The following ATXN1 variants were observed in gnomAD, a reference collection of about 807,000 sequenced individuals.
ATXN1 encodes the protein ataxin 1, also known as ataxin-1.
In ATXN1, 8 loss-of-function variants were observed where a neutral mutation model predicts 56.4. The ratio of observed to expected loss-of-function variants is 0.14; its 90% CI spans 0.08 to 0.26. The LOEUF is 0.26. Ranked by LOEUF, ATXN1 falls within the 10% of genes least tolerant of loss-of-function variation. ATXN1 has a pLI of 1.00. For synonymous variants in ATXN1, 514 were observed against 494.6 expected (o/e 1.04, Z -0.52); for missense variants, 987 against 1,106.5 (o/e 0.89, Z 1.53).
chr6:16,756,018 G>T (rs574006425), intron 1 of ATXN1, among the ~76,000 whole-genome samples: 1 of 152,032 alleles, frequency 6.6e-6, no homozygotes. Flanking sequence ...CTCTAAACGT[G>T]TTTTGGTACA....
intron 3 of ATXN1, among the ~76,000 whole-genome samples, chr6:16,655,430 T>A (rs1758177709): frequency 6.6e-6 from 1 of 152,114 alleles, no homozygotes. Context: ...TGATGATGAT[T>A]CCTGCCCTGA....
chr6:16,507,261 A>G (rs1385605050), intron 5 of ATXN1, among the ~76,000 whole-genome samples: 3 of 152,192 alleles, frequency 2.0e-5, no homozygotes, highest in African/African-American at 7.2e-5. Flanking sequence ...AATATATGGT[A>G]TTTAGAAATT....
rs181656084 is a variant in ATXN1 at position 16,314,387 on chromosome 6, G to T, written c.1918-7528C>A. 2.0e-5 allele frequency among the ~76,000 whole-genome samples: 3 copies of T among 152,266 alleles called. No individual in the cohort carries two copies. In the East Asian group the frequency reaches 5.8e-4, roughly 29 times the overall value. ...ATCTCACTGAGGGGTTTCTCAGTGA[G>T]AATATATATCATCAAATCTGTTGCT... On this transcript the variant is annotated intron_variant, in intron 7 of 7. Transcript: ENST00000436367.
chr6:16,370,397 A>G (rs1762014178), intron 6 of ATXN1, among the ~76,000 whole-genome samples: 1 of 152,266 alleles, frequency 6.6e-6, no homozygotes. Flanking sequence ...AATTGTTTGC[A>G]GTGTCGTGAA....
chr6:16,612,149 G>A lies in ATXN1; in HGVS notation c.-488-26242C>T, dbSNP rs144724938. ...GCTGGGATTACAGGTGTGAGCCACC[G>A]CGCCCGGCCAGCAGATGAAAATTTA... is the stretch of plus-strand genomic sequence containing the variant. On this transcript the variant is annotated intron_variant, in intron 3 of 7. Transcript: ENST00000436367. Among the ~76,000 whole-genome samples, 882 of 152,026 alleles carry A rather than the reference G, an allele frequency of 5.8e-3. 10 individuals carry two copies. The highest frequency in any genetic ancestry group is 0.02 in the African/African-American group (837 of 41,460).
intron 6 of ATXN1, among the ~76,000 whole-genome samples, chr6:16,330,374 TTTCC>T (rs200726411): frequency 0.015 from 2,257 of 149,908 alleles, 42 homozygotes; most frequent in African/African-American, 0.051. Flanking sequence ...CAATGATTTT[TTTCC>T]TTCCTTCCTT....
At chr6:16,632,997 CAAAAA>C (rs11289596) in intron 3 of ATXN1, among the ~76,000 whole-genome samples, 1 of 125,876 alleles carries the variant, frequency 7.9e-6, no homozygotes. Flanking sequence ...AACTCCGCCT[CAAAAA>C]AAAAAAAAAG....
At position 16,367,358 on chromosome 6, in the gene ATXN1, TCTCTCA is replaced by T. The variant is rs745499922; in HGVS notation, c.-160-38894_-160-38889del. Among the ~76,000 whole-genome samples, 473 of 118,294 alleles carry T rather than the reference TCTCTCA, an allele frequency of 4.0e-3. 2 individuals carry two copies. Among genetic ancestry groups the T allele is most frequent in the East Asian group, 0.015 (65 of 4,228 alleles). 77.6% of individuals were successfully genotyped at this position (118,294 alleles called of 152,430 possible). ...TTCTCTCTCTCTCTCTCTCTCTCTC[TCTCTCA>T]CACACACACACACACACACACATAC... On this transcript the variant is annotated intron_variant, in intron 6 of 7. Transcript: ENST00000436367.
At position 16,326,418 on chromosome 6, in the gene ATXN1, G is replaced by A. The variant is rs141142224; in HGVS notation, c.1893C>T (p.Phe631=). The A allele has an allele frequency of 6.4e-5, 104 of 1,613,692 alleles. No individual in the cohort carries two copies. Among genetic ancestry groups the A allele is most frequent in the Non-Finnish European group, 8.4e-5 (99 of 1,179,886 alleles). The stretch of plus-strand genomic sequence containing the variant: ...CCTGGGCTCGGTGCTCCCCGACGGC[G>A]AACTGTATCACGGCCACGCCCGGGC... ...SHSPGVAVIQ[F]AVGEHRAQVS... is the part of the protein sequence containing the mutation. Residue 631 remains phenylalanine, a synonymous_variant, in exon 7 of 8, where the codon TTC becomes TTT. Coordinates refer to ENST00000436367, the MANE Select transcript of ATXN1 (RefSeq NM_001128164.2). The surrounding 1 kb of genome is among the most constrained non-coding windows in gnomAD (Gnocchi z 6.6).
At chr6:16,525,218 T>C (rs1761368057) in intron 4 of ATXN1, among the ~76,000 whole-genome samples, 2 of 152,194 alleles carry the variant, frequency 1.3e-5, no homozygotes, top group African/African-American at 4.8e-5. Flanking sequence ...AAATCTGCAC[T>C]TCCTCTGTTT....
intron 6 of ATXN1, among the ~76,000 whole-genome samples, chr6:16,459,137 C>T (rs553280785): frequency 2.6e-5 from 4 of 152,324 alleles, no homozygotes; most frequent in Non-Finnish European, 5.9e-5. Flanking sequence ...GCCTGAAAGC[C>T]CCACACCCTT....
chr6:16,657,437 T>C (rs895271069), intron 3 of ATXN1, among the ~76,000 whole-genome samples: 2 of 152,240 alleles, frequency 1.3e-5, no homozygotes, highest in African/African-American at 4.8e-5. Context: ...TAATCCCTTA[T>C]GTTTTCAGCT....
At chr6:16,723,846 C>T (rs776461018) in intron 2 of ATXN1, among the ~76,000 whole-genome samples, 2 of 152,078 alleles carry the variant, frequency 1.3e-5, no homozygotes, top group Non-Finnish European at 2.9e-5. Context: ...CACAGTGTAA[C>T]ATTTCCACAG....
chr6:16,317,640 T>C (rs1760544617), intron 7 of ATXN1, among the ~76,000 whole-genome samples: 1 of 152,124 alleles, frequency 6.6e-6, no homozygotes, highest in South Asian at 2.1e-4. Context: ...CTTTATACTT[T>C]TGTAAGCTTG....
chr6:16,390,162 C>T (rs1251827436), intron 6 of ATXN1, among the ~76,000 whole-genome samples: 4 of 152,164 alleles, frequency 2.6e-5, no homozygotes, highest in Non-Finnish European at 5.9e-5. Flanking sequence ...CAAGTCCACC[C>T]TACTGCTACT....
At chr6:16,417,946 A>G (rs1758949581) in intron 6 of ATXN1, among the ~76,000 whole-genome samples, 1 of 152,100 alleles carries the variant, frequency 6.6e-6, no homozygotes, top group African/African-American at 2.4e-5. Context: ...GGCCCTCCAT[A>G]TTATTCCACC....
chr6:16,341,513 G>A (rs1471116917), intron 6 of ATXN1, among the ~76,000 whole-genome samples: 1 of 146,908 alleles, frequency 6.8e-6, no homozygotes, highest in Admixed American at 6.8e-5. Context: ...TGGTATAGAG[G>A]ATTTTTTTTT....
intron 3 of ATXN1, among the ~76,000 whole-genome samples, chr6:16,641,870 G>A (rs960903932): frequency 1.3e-5 from 2 of 152,200 alleles, no homozygotes; most frequent in African/African-American, 2.4e-5. Flanking sequence ...ATGGGAAGAG[G>A]TCAAAATATC....
intron 2 of ATXN1, among the ~76,000 whole-genome samples, chr6:16,690,876 AC>A (rs1759030485): frequency 6.6e-6 from 1 of 152,132 alleles, no homozygotes; most frequent in South Asian, 2.1e-4. Flanking sequence ...TGCTGTTCAA[AC>A]ACAACCTGTG....
Sources: gnomAD v4.1 joint callset for allele counts (sites outside exome capture counted in the v4.1 genomes callset) on GRCh38, gnomAD v4.1.1 for gene constraint, Gnocchi (gnomAD v3.1) non-coding constraint, MANE v1.5 for transcripts, NCBI Gene and HGNC (gene_info 2026-07-23, HGNC 2026-07-21) for gene names.